EMG1: variants seen among roughly 807,000 people sequenced by gnomAD.
The protein encoded by EMG1 is ribosomal RNA small subunit methyltransferase NEP1.
In EMG1, 24 loss-of-function variants were observed where a neutral mutation model predicts 26.9. That is an observed-to-expected ratio of 0.89 (90% confidence interval 0.65 to 1.26). The LOEUF (loss-of-function observed/expected upper bound fraction) is 1.26. EMG1 is among the 50% of genes most tolerant of loss of function. The pLI, the probability that EMG1 is intolerant of heterozygous loss-of-function variation, is 0.00. For synonymous variants in EMG1, 140 were observed against 112.6 expected (o/e 1.24, Z -1.54); for missense variants, 299 against 307.6 (o/e 0.97, Z 0.21).
chr12:6,982,971 A>C (rs1565598788), downstream of EMG1: 1 of 666,872 alleles, frequency 1.5e-6, no homozygotes, highest in African/African-American at 1.8e-5. Flanking sequence ...GTGTTATTTT[A>C]TTTCTTTTCT....
At chr12:6,985,771 G>GTTT (rs1220627223) in intron 6 of EMG1, among the ~76,000 whole-genome samples, 8 of 135,690 alleles carry the variant, frequency 5.9e-5, no homozygotes, top group African/African-American at 2.1e-4. Flanking sequence ...ATCAACTGGT[G>GTTT]TTTTTTTTTT....
At chr12:6,997,153 CCTT>C (rs1946643626) in intron 7 of EMG1, 1 of 152,150 alleles carries the variant, frequency 6.6e-6, no homozygotes, top group Non-Finnish European at 1.5e-5. Flanking sequence ...TGTATATCCT[CCTT>C]TCACATTTTA....
downstream of EMG1, among the ~76,000 whole-genome samples, chr12:6,983,742 G>A (rs1231585390): frequency 6.6e-6 from 1 of 152,142 alleles, no homozygotes; most frequent in Non-Finnish European, 1.5e-5. Flanking sequence ...TTGAACTAAA[G>A]ATATTAATAT....
chr12:6,977,294 G>A lies in EMG1; in HGVS notation c.*1485G>A. 1 of 1,611,272 alleles carries A rather than the reference G, an allele frequency of 6.2e-7. No homozygotes were observed. Among genetic ancestry groups the A allele is most frequent in the South Asian group, 1.1e-5 (1 of 91,026 alleles). The stretch of plus-strand genomic sequence containing the variant: ...AGAGAGAGGCCACTAAGGTAGACAG[G>A]CCTGGAGTGTCCTTTGCAACCTTTG... On this transcript the variant is annotated 3_prime_UTR_variant, in exon 6 of 6. Transcript: ENST00000599672. This position sits in a 1 kb window ranked among gnomAD's most constrained non-coding sequence, Gnocchi z 4.5.
chr12:6,986,857 G>T, intron 6 of EMG1, among the ~76,000 whole-genome samples: 1 of 150,180 alleles, frequency 6.7e-6, no homozygotes. Context: ...GCTCACACCT[G>T]TAATCCCCTA....
chr12:6,984,947 T>G (rs745687350), intron 6 of EMG1, among the ~76,000 whole-genome samples: 8 of 152,226 alleles, frequency 5.3e-5, no homozygotes, highest in Non-Finnish European at 1.2e-4. Context: ...CAATACAGTT[T>G]ACTGTGAGTT....
chr12:6,981,728 C>A, downstream of EMG1: 2 of 177,398 alleles, frequency 1.1e-5, no homozygotes, highest in East Asian at 1.1e-4. Context: ...TGGCGGGGGG[C>A]GGAGGGGGGG....
downstream of EMG1, among the ~76,000 whole-genome samples, chr12:6,980,157 C>G (rs187448382): frequency 6.6e-6 from 1 of 151,974 alleles, no homozygotes; most frequent in African/African-American, 2.4e-5. Context: ...AAGCGATCCC[C>G]TTGCCTTGGC....
rs782083207 is a variant in EMG1 at position 6,971,102 on chromosome 12, A to G, written c.168+11A>G. ...CTGGAGACAGTCAAGGTAGTTTGGG[A>G]CAGGAAGTGGAGAAGTAGTAAATCG... On this transcript the variant is annotated intron_variant, in intron 1 of 5. Transcript: ENST00000599672. 96 of 1,606,434 alleles carry G rather than the reference A, an allele frequency of 6.0e-5. No individual in the cohort carries two copies. The highest frequency in any genetic ancestry group is 7.7e-5 in the Non-Finnish European group (90 of 1,175,922).
chr12:6,994,333 G>A (rs782645166), intron 7 of EMG1, among the ~76,000 whole-genome samples: 4 of 151,530 alleles, frequency 2.6e-5, no homozygotes, highest in Admixed American at 6.6e-5. Flanking sequence ...TCAGCCTCCC[G>A]AGTAGCTGGG....
At chr12:6,983,890 C>T (rs1396496465), downstream of EMG1, among the ~76,000 whole-genome samples, 2 of 152,110 alleles carry the variant, frequency 1.3e-5, no homozygotes, top group Admixed American at 6.5e-5. Flanking sequence ...CATGTATAAT[C>T]CCAGCACTCT....
chr12:6,983,171 A>G (rs1946487889), downstream of EMG1: 1 of 463,346 alleles, frequency 2.2e-6, no homozygotes, highest in Admixed American at 3.5e-5. Context: ...AGTTACATCC[A>G]CAGCACAGAG....
chr12:6,990,085 G>A (rs1247658695), downstream of EMG1, among the ~76,000 whole-genome samples: 1 of 151,908 alleles, frequency 6.6e-6, no homozygotes, highest in East Asian at 1.9e-4. Context: ...GCTGAGGCAG[G>A]AGGATCACCT....
downstream of EMG1, among the ~76,000 whole-genome samples, chr12:6,984,355 A>C (rs1946501421): frequency 6.6e-6 from 1 of 152,192 alleles, no homozygotes; most frequent in Admixed American, 6.5e-5. Flanking sequence ...CGGTCAATAA[A>C]ATTTGGTATT....
intron 7 of EMG1, chr12:6,997,153 C>T (rs1946643605): frequency 6.6e-6 from 1 of 152,150 alleles, no homozygotes; most frequent in Non-Finnish European, 1.5e-5. Flanking sequence ...TGTATATCCT[C>T]CTTTCACATT....
intron 2 of EMG1, 33 bp from the exon 3 acceptor site, chr12:6,974,519 C>G: frequency 6.2e-7 from 1 of 1,611,796 alleles, no homozygotes; most frequent in Middle Eastern, 1.7e-4. Context: ...CTCTCTTCAG[C>G]CTTAACCATG....
chr12:6,980,681 C>G (rs782602219), downstream of EMG1: 118 of 173,122 alleles, frequency 6.8e-4, 1 homozygote, highest in African/African-American at 2.6e-3. Context: ...ACCTATCAAC[C>G]TGCCTACCTA....
downstream of EMG1, among the ~76,000 whole-genome samples, chr12:6,990,957 A>T (rs1362424929): frequency 6.6e-6 from 1 of 151,708 alleles, no homozygotes; most frequent in African/African-American, 2.4e-5. Flanking sequence ...CTAAAAAAAA[A>T]GTAAAAGATA....
At chr12:6,990,916 CAAA>C (rs59031613), downstream of EMG1, among the ~76,000 whole-genome samples, 3 of 68,120 alleles carry the variant, frequency 4.4e-5, no homozygotes, top group Non-Finnish European at 1.1e-4. Flanking sequence ...GACTCCAAAT[CAAA>C]AAAAAAAAAA....
Sources: allele counts gnomAD v4.1 joint callset (sites outside exome capture counted in the v4.1 genomes callset), GRCh38; gene constraint gnomAD v4.1.1; non-coding constraint Gnocchi (gnomAD v3.1); transcripts MANE v1.5; gene names NCBI Gene and HGNC (gene_info 2026-07-23, HGNC 2026-07-21).